The following ARHGAP31 variants were observed in gnomAD, a reference collection of about 807,000 sequenced individuals.
The protein encoded by ARHGAP31 is rho GTPase-activating protein 31.
In ARHGAP31, 34 loss-of-function variants were observed where a neutral mutation model predicts 113.9. That is an observed-to-expected ratio of 0.30 (90% CI 0.23 to 0.40). The LOEUF is 0.40. Ranked by LOEUF, ARHGAP31 falls within the 10% of genes least tolerant of loss-of-function variation. The pLI, the probability that ARHGAP31 is intolerant of heterozygous loss-of-function variation, is 1.00. For synonymous variants in ARHGAP31, 650 were observed against 684.8 expected, an observed-to-expected ratio of 0.95 and a Z score of 0.79; for missense variants, 1,548 against 1,767.1, an observed-to-expected ratio of 0.88 and a Z score of 2.22.
At chr3:119,399,363 C>G in intron 9 of ARHGAP31, 102 bp downstream of exon 9, 1 of 994,130 alleles carries the variant, frequency 1.0e-6, no homozygotes, top group Non-Finnish European at 1.6e-6. Context: ...TAGTCACAGT[C>G]ACACACAACT....
intron 5 of ARHGAP31, among the ~76,000 whole-genome samples, chr3:119,382,871 T>C (rs1444166453): frequency 6.6e-6 from 1 of 152,250 alleles, no homozygotes; most frequent in Non-Finnish European, 1.5e-5. Flanking sequence ...AGTATTGCAA[T>C]GTAGAGTACC....
intron 1 of ARHGAP31, among the ~76,000 whole-genome samples, chr3:119,301,990 CAG>C (rs1261377207): frequency 1.3e-5 from 2 of 152,202 alleles, no homozygotes; most frequent in African/African-American, 2.4e-5. Context: ...GGCCCAGGAA[CAG>C]GGAGTTAGCT....
At chr3:119,298,177 T>A (rs2107590899) in intron 1 of ARHGAP31, among the ~76,000 whole-genome samples, 1 of 152,272 alleles carries the variant, frequency 6.6e-6, no homozygotes, top group South Asian at 2.1e-4. Context: ...CCTCTTGCAC[T>A]TCCCCTCCAA....
chr3:119,383,363 C>A, intron 6 of ARHGAP31, 137 bp downstream of exon 6: 1 of 1,154,256 alleles, frequency 8.7e-7, no homozygotes, highest in Non-Finnish European at 1.3e-6. Flanking sequence ...TACTGTGTGT[C>A]AGTGTCTGAG....
At position 119,418,667 on chromosome 3, in the gene ARHGAP31, T is replaced by C. The variant is rs2080799103; in HGVS notation, c.*2403T>C. On this transcript the variant is annotated 3_prime_UTR_variant, in exon 12 of 12. Coordinates refer to ENST00000264245, the MANE Select transcript of ARHGAP31 (RefSeq NM_020754.4). ...GTGACTTCAGTTCTAAGGGTTGAGA[T>C]GCCTGTGTGGATTTATAAAATGGTT... 1 of 152,260 alleles carries C rather than the reference T, an allele frequency of 6.6e-6. No homozygotes were observed. The highest frequency in any genetic ancestry group is 6.5e-5 in the Admixed American group (1 of 15,284). 9.4% of individuals were successfully genotyped at this position (152,260 alleles called of 1,614,324 possible).
intron 1 of ARHGAP31, among the ~76,000 whole-genome samples, chr3:119,337,095 A>G (rs1349515760): frequency 2.0e-5 from 3 of 152,188 alleles, no homozygotes; most frequent in South Asian, 2.1e-4. Context: ...GCTGTTGTGA[A>G]TAATGGTGCT....
At chr3:119,358,503 C>T (rs1236119218) in intron 1 of ARHGAP31, among the ~76,000 whole-genome samples, 2 of 152,064 alleles carry the variant, frequency 1.3e-5, no homozygotes, top group Non-Finnish European at 2.9e-5. Context: ...GGATATATAT[C>T]CAAGAGAATT....
chr3:119,414,773 C>T lies in ARHGAP31; in HGVS notation c.2844C>T (p.Ser948=). ...AGAAGAGGCTTTCCCACAGGCCCAG[C>T]CTTCGCCAGAGCCATTCTCTAGATA... is the stretch of plus-strand genomic sequence containing the variant. The part of the protein sequence containing the change: ...QLEKRLSHRP[S]LRQSHSLDSK... The change falls in exon 12 of 12, where the codon AGC becomes AGT. Residue 948 remains serine (S), a synonymous_variant. Transcript: ENST00000264245. 1.9e-6 allele frequency: 3 copies of T among 1,614,208 alleles called. No homozygotes were observed. Among genetic ancestry groups the T allele is most frequent in the Non-Finnish European group, 8.5e-7 (1 of 1,180,040 alleles).
intron 4 of ARHGAP31, among the ~76,000 whole-genome samples, chr3:119,381,984 TCAAAA>T (rs1559986513): frequency 1.6e-5 from 1 of 61,928 alleles, no homozygotes. Flanking sequence ...AGACTCCGTC[TCAAAA>T]AAAAAAAAAA....
chr3:119,300,615 G>A (rs2079572874), intron 1 of ARHGAP31, among the ~76,000 whole-genome samples: 1 of 151,996 alleles, frequency 6.6e-6, no homozygotes, highest in African/African-American at 2.4e-5. Flanking sequence ...GATCACTTGA[G>A]GTCAGACGTT....
At chr3:119,337,099 T>C (rs77879564) in intron 1 of ARHGAP31, among the ~76,000 whole-genome samples, 1 of 152,232 alleles carries the variant, frequency 6.6e-6, no homozygotes, top group Non-Finnish European at 1.5e-5. Flanking sequence ...TTGTGAATAA[T>C]GGTGCTGTGT....
chr3:119,399,066 C>A, intron 8 of ARHGAP31, 133 bp from the exon 9 acceptor site: 2 of 742,736 alleles, frequency 2.7e-6, no homozygotes, highest in Non-Finnish European at 4.7e-6. Context: ...AGGAATGTTT[C>A]CAAGGGGATC....
intron 1 of ARHGAP31, among the ~76,000 whole-genome samples, chr3:119,351,344 C>T (rs1049723458): frequency 6.6e-6 from 1 of 152,210 alleles, no homozygotes. Flanking sequence ...TGGTCTTCCT[C>T]ATTCTTGGTC....
intron 11 of ARHGAP31, among the ~76,000 whole-genome samples, chr3:119,411,586 A>G (rs1171064584): frequency 6.6e-6 from 1 of 152,204 alleles, no homozygotes; most frequent in African/African-American, 2.4e-5. Context: ...ATGGTTTCTC[A>G]GTATTGATTT....
intron 3 of ARHGAP31, among the ~76,000 whole-genome samples, chr3:119,371,916 A>G (rs1435453092): frequency 1.3e-5 from 2 of 152,132 alleles, no homozygotes; most frequent in Non-Finnish European, 2.9e-5. Context: ...AGCTTCATCC[A>G]TGTTCCTGCA....
chr3:119,349,010 G>T (rs1461760089), intron 1 of ARHGAP31, among the ~76,000 whole-genome samples: 1 of 152,140 alleles, frequency 6.6e-6, no homozygotes, highest in Admixed American at 6.5e-5. Context: ...TAATTTTTGA[G>T]CTGCAAAACT....
intron 10 of ARHGAP31, among the ~76,000 whole-genome samples, chr3:119,403,677 G>A (rs2080634117): frequency 6.6e-6 from 1 of 152,168 alleles, no homozygotes; most frequent in Non-Finnish European, 1.5e-5. Context: ...CCTCTCAGGA[G>A]GATTCCAGGA....
At position 119,330,734 on chromosome 3, in the gene ARHGAP31, C is replaced by T. The variant is rs568269030; in HGVS notation, c.101-34582C>T. On this transcript the variant is annotated intron_variant, in intron 1 of 11. Coordinates refer to ENST00000264245, the MANE Select transcript of ARHGAP31 (RefSeq NM_020754.4). ...CTTCTATGGTTCTGTGGGGAGGGCC[C>T]TTGTCCTCCTTTATCTCTTTATCAT... Among the ~76,000 whole-genome samples the T allele has an allele frequency of 8.5e-5, 13 of 152,328 alleles. No individual in the cohort carries two copies. The East Asian group carries it at 2.5e-3, about 29-fold the overall frequency.
chr3:119,324,343 T>TA (rs2079821392), intron 1 of ARHGAP31, among the ~76,000 whole-genome samples: 1 of 152,238 alleles, frequency 6.6e-6, no homozygotes, highest in African/African-American at 2.4e-5. Flanking sequence ...ATTTTAAGGT[T>TA]ACACTTGTCC....
Sources: gnomAD v4.1 joint callset for allele counts (sites outside exome capture counted in the v4.1 genomes callset) on GRCh38, gnomAD v4.1.1 for gene constraint, MANE v1.5 for transcripts, NCBI Gene and HGNC (gene_info 2026-07-23, HGNC 2026-07-21) for gene names.